The following DAPK1 variants were observed in gnomAD, a reference collection of about 807,000 sequenced individuals.
The protein encoded by DAPK1 is death-associated protein kinase 1.
A neutral mutation model predicts 144.9 loss-of-function variants in DAPK1; 56 were observed. The ratio of observed to expected loss-of-function variants is 0.39; its 90% CI spans 0.31 to 0.48. The LOEUF (loss-of-function observed/expected upper bound fraction) is 0.48, where lower values mean the gene tolerates loss of function less well. Among genes scored for constraint, DAPK1 ranks in the 20% least tolerant of loss-of-function variants. DAPK1 has a pLI of 0.95. For missense variants in DAPK1, 1,454 were observed against 1,875.4 expected, an observed-to-expected ratio of 0.78 and a Z score of 4.15; for synonymous variants, 690 against 749.0, an observed-to-expected ratio of 0.92 and a Z score of 1.29.
At position 87,508,309 on chromosome 9, in the gene DAPK1, T is replaced by C. The variant is rs1177533332; in HGVS notation, c.62+9170T>C. On this transcript the variant is annotated intron_variant, in intron 2 of 25. Coordinates refer to ENST00000408954, the MANE Select transcript of DAPK1 (RefSeq NM_004938.4). ...TTACAGGTGTGAGTCGCCGCACTGG[T>C]CCAACTTTTCCTTTTCACCTTAGAA... Among the ~76,000 whole-genome samples the C allele has an allele frequency of 2.0e-5, 3 of 150,738 alleles. No individual in the cohort carries two copies. The East Asian group carries it at 5.9e-4, about 30-fold the overall frequency.
intron 3 of DAPK1, among the ~76,000 whole-genome samples, chr9:87,611,829 G>T (rs1387225449): frequency 6.6e-6 from 1 of 152,108 alleles, no homozygotes; most frequent in Non-Finnish European, 1.5e-5. Flanking sequence ...CGGGTGATGC[G>T]GATGCTGCTG....
intron 19 of DAPK1, 29 bp downstream of exon 19, chr9:87,668,703 T>C (rs1564060362): frequency 1.1e-6 from 1 of 939,986 alleles, no homozygotes; most frequent in Non-Finnish European, 1.8e-6. Flanking sequence ...GGTCTGAAGT[T>C]CTCTACCTGT....
intron 19 of DAPK1, among the ~76,000 whole-genome samples, chr9:87,675,410 G>C (rs12552351): frequency 1.3e-5 from 2 of 151,922 alleles, no homozygotes; most frequent in South Asian, 4.1e-4. Context: ...GCAAGGGGCC[G>C]GGTAGTGAAG....
intron 25 of DAPK1, among the ~76,000 whole-genome samples, chr9:87,704,161 T>C (rs1825553433): frequency 6.6e-6 from 1 of 152,188 alleles, no homozygotes; most frequent in Admixed American, 6.5e-5. Context: ...GGCCAGAGAA[T>C]CTGCCAACTC....
intron 3 of DAPK1, among the ~76,000 whole-genome samples, chr9:87,609,856 C>T (rs1165015176): frequency 6.6e-6 from 1 of 152,130 alleles, no homozygotes; most frequent in Non-Finnish European, 1.5e-5. Flanking sequence ...AGTCGAACTT[C>T]CTCTGAGGGT....
In DAPK1 at chr9:87,615,795, G is replaced by A. The variant is rs192141043; in HGVS notation, c.284+10620G>A. Among the ~76,000 whole-genome samples the A allele has an allele frequency of 2.6e-5, 4 of 152,356 alleles. No homozygotes were observed. The East Asian group carries it at 7.7e-4, about 29-fold the overall frequency. On this transcript the variant is annotated intron_variant, in intron 3 of 25. Coordinates refer to ENST00000408954, the MANE Select transcript of DAPK1 (RefSeq NM_004938.4). ...AGTGGTGTTACCACCCTGCAGGTAAGGAACGCTGTGCCCCCTCTGTCCACA... is the reference window on the plus strand; with the variant it reads ...AGTGGTGTTACCACCCTGCAGGTAAAGAACGCTGTGCCCCCTCTGTCCACA...
chr9:87,648,722 G>T, intron 14 of DAPK1, 59 bp from the exon 15 acceptor site: 1 of 1,474,148 alleles, frequency 6.8e-7, no homozygotes, highest in Non-Finnish European at 9.5e-7. Context: ...CTTGGGTTCT[G>T]GTCTCCATAG....
chr9:87,576,450 A>G (rs1827563716), intron 2 of DAPK1, among the ~76,000 whole-genome samples: 1 of 152,182 alleles, frequency 6.6e-6, no homozygotes, highest in Admixed American at 6.5e-5. Context: ...TTCTTGGAGG[A>G]AGGAAAGCAG....
chr9:87,571,466 C>CCCCA (rs1564000740), intron 2 of DAPK1, among the ~76,000 whole-genome samples: 26 of 60,464 alleles, frequency 4.3e-4, no homozygotes, highest in Admixed American at 1.4e-3. Context: ...CACACACACA[C>CCCCA]ACACACACCA....
intron 2 of DAPK1, among the ~76,000 whole-genome samples, chr9:87,547,079 C>A (rs1258924879): frequency 6.6e-6 from 1 of 152,152 alleles, no homozygotes; most frequent in African/African-American, 2.4e-5. Flanking sequence ...ATGCTTTAAG[C>A]CTGGGAGGCG....
chr9:87,674,216 A>C (rs1824277341), intron 19 of DAPK1, among the ~76,000 whole-genome samples: 1 of 152,166 alleles, frequency 6.6e-6, no homozygotes, highest in Non-Finnish European at 1.5e-5. Flanking sequence ...AATTAAAAGT[A>C]GGCTGGGTGC....
intron 2 of DAPK1, among the ~76,000 whole-genome samples, chr9:87,555,467 GA>G (rs1263740121): frequency 6.6e-6 from 1 of 151,824 alleles, no homozygotes; most frequent in East Asian, 1.9e-4. Flanking sequence ...AAAACAAAGT[GA>G]AATTTATTTA....
chr9:87,672,235 T>A lies in DAPK1; in HGVS notation c.2001+3561T>A, dbSNP rs563380429. 6.6e-5 allele frequency among the ~76,000 whole-genome samples: 10 copies of A among 152,264 alleles called. No individual in the cohort carries two copies. The South Asian group carries it at 2.1e-3, about 32-fold the overall frequency. Reference sequence around the variant, plus strand: ...CTGTGGCTGGGCACCCTGAGTGTCATTTGTGATGACAGCCACCATTGAGCG... The same window carrying A: ...CTGTGGCTGGGCACCCTGAGTGTCAATTGTGATGACAGCCACCATTGAGCG... On this transcript the variant is annotated intron_variant, in intron 19 of 25. Coordinates refer to ENST00000408954, the MANE Select transcript of DAPK1 (RefSeq NM_004938.4).
chr9:87,638,051 C>G lies in DAPK1; in HGVS notation c.393C>G (p.His131Gln). 1 of 1,613,446 alleles carries G rather than the reference C, an allele frequency of 6.2e-7. No individual in the cohort carries two copies. The highest frequency in any genetic ancestry group is 8.5e-7 in the Non-Finnish European group (1 of 1,179,436). ...TTCTTAATGGTGTTTACTACCTGCACTCCCTTCAAATCGCCCACTTTGATC... is the reference window on the plus strand; with the variant it reads ...TTCTTAATGGTGTTTACTACCTGCAGTCCCTTCAAATCGCCCACTTTGATC... ...KQILNGVYYL[H>Q]SLQIAHFDLK... is the part of the protein sequence containing the mutation. The change falls in exon 4 of 26, where the codon CAC (histidine) becomes CAG (glutamine). Residue 131 changes from histidine (H) to glutamine (Q), a missense_variant. Physicochemically the swap from His to Gln is conservative, Grantham distance 24 (BLOSUM62 0). Around this residue, in one of 2 missense-constraint regions of DAPK1, gnomAD observed 429 missense variants for 637.5 expected, o/e 0.67. Transcript: ENST00000408954.
chr9:87,598,986 GGGA>G (rs1828419999), intron 2 of DAPK1, among the ~76,000 whole-genome samples: 1 of 152,200 alleles, frequency 6.6e-6, no homozygotes, highest in Admixed American at 6.5e-5. Flanking sequence ...GTCTTCAACT[GGGA>G]GGAGAAGGCA....
At chr9:87,590,276 G>A (rs540231726) in intron 2 of DAPK1, among the ~76,000 whole-genome samples, 2 of 151,310 alleles carry the variant, frequency 1.3e-5, no homozygotes, top group East Asian at 3.9e-4. Context: ...ATACCTAACA[G>A]GCAATCTTTT....
At chr9:87,516,490 G>C (rs1825061444) in intron 2 of DAPK1, among the ~76,000 whole-genome samples, 1 of 152,054 alleles carries the variant, frequency 6.6e-6, no homozygotes. Context: ...TCTGTCCCAA[G>C]GGTGATATCC....
chr9:87,655,186 C>T (rs561305160), intron 17 of DAPK1, among the ~76,000 whole-genome samples: 93 of 152,220 alleles, frequency 6.1e-4, no homozygotes, highest in South Asian at 1.9e-3. Flanking sequence ...AATTCAGACC[C>T]GTAATTCAGA....
At chr9:87,681,137 G>GCACAA (rs1824600728) in intron 19 of DAPK1, among the ~76,000 whole-genome samples, 1 of 152,070 alleles carries the variant, frequency 6.6e-6, no homozygotes, top group Non-Finnish European at 1.5e-5. Context: ...AATTAGCTGG[G>GCACAA]CATGGTGGCT....
Sources: gnomAD v4.1 joint callset for allele counts (sites outside exome capture counted in the v4.1 genomes callset) on GRCh38, gnomAD v4.1.1 for gene constraint, gnomAD v4.1.1 regional missense constraint, MANE v1.5 for transcripts, NCBI Gene and HGNC (gene_info 2026-07-23, HGNC 2026-07-21) for gene names.